Variants in REEP1 observed in about 807,000 individuals in gnomAD.
The protein encoded by REEP1 is receptor accessory protein 1.
Under a neutral mutation model 40.3 loss-of-function variants are expected in REEP1, and 22 were observed. That is an observed-to-expected ratio of 0.55 (90% confidence interval 0.39 to 0.78). The LOEUF is 0.78. REEP1 is among the 30% of genes least tolerant of loss of function. The probability of loss-of-function intolerance (pLI) is 0.00; values close to 1 mark genes in which losing one functional copy is unlikely to be tolerated. For synonymous variants in REEP1, 116 were observed against 139.2 expected (o/e 0.83, Z 1.17); for missense variants, 280 against 361.1 (o/e 0.78, Z 1.82).
chr2:86,224,706 G>A (rs566794818), intron 7 of REEP1, among the ~76,000 whole-genome samples: 9 of 152,276 alleles, frequency 5.9e-5, no homozygotes, highest in African/African-American at 1.9e-4. Context: ...CAACCTGCTC[G>A]GGGATAAGGA....
upstream of REEP1, chr2:86,337,888 G>A: frequency 1.1e-6 from 1 of 937,458 alleles, no homozygotes; most frequent in Non-Finnish European, 1.6e-6. The surrounding 1 kb of genome is among the most constrained non-coding windows in gnomAD (Gnocchi z 5.8). Flanking sequence ...CAGGGACCCG[G>A]GTGCTGCCCC....
At position 86,325,434 on chromosome 2, in the gene REEP1, G is replaced by A. The variant is rs114573245; in HGVS notation, c.32+12045C>T. Among the ~76,000 whole-genome samples the A allele has an allele frequency of 3.9e-3, 592 of 152,268 alleles. 1 individual carries two copies. The highest frequency in any genetic ancestry group is 0.013 in the African/African-American group (520 of 41,542). On this transcript the variant is annotated intron_variant, in intron 1 of 8. Transcript: ENST00000538924. ...ATCCAGGTCCTAATTCCTAAAACCC[G>A]TGAATGTTACCTTATAAGGTAAAAG... is the stretch of plus-strand genomic sequence containing the variant.
chr2:86,273,619 CCA>C (rs1368893913), intron 2 of REEP1, among the ~76,000 whole-genome samples: 1 of 152,096 alleles, frequency 6.6e-6, no homozygotes, highest in Admixed American at 6.6e-5. Context: ...AAAAGCTCAT[CCA>C]CACCCCTACC....
At chr2:86,243,472 C>T (rs1299309350) in intron 5 of REEP1, among the ~76,000 whole-genome samples, 4 of 152,240 alleles carry the variant, frequency 2.6e-5, no homozygotes, top group Non-Finnish European at 5.9e-5. Context: ...CCGCCAACTC[C>T]GTGTGAATTC....
chr2:86,292,552 T>TCC (rs1350605684), intron 1 of REEP1, among the ~76,000 whole-genome samples: 1 of 152,148 alleles, frequency 6.6e-6, no homozygotes, highest in Non-Finnish European at 1.5e-5. Context: ...GTTGCCTATT[T>TCC]CCCAGCTTAT....
chr2:86,219,851 C>T (rs570322063), intron 8 of REEP1, 119 bp downstream of exon 8: 2 of 704,606 alleles, frequency 2.8e-6, no homozygotes, highest in South Asian at 7.7e-5. Context: ...GAGATCTTTC[C>T]ACCCCAGGTA....
intron 2 of REEP1, 143 bp downstream of exon 2, chr2:86,282,027 G>C: frequency 1.4e-6 from 1 of 720,772 alleles, no homozygotes; most frequent in Non-Finnish European, 2.6e-6. Flanking sequence ...GAGGACTCCT[G>C]AGATGTCTCA....
chr2:86,307,988 A>AT (rs1279708969), intron 1 of REEP1, among the ~76,000 whole-genome samples: 2 of 152,234 alleles, frequency 1.3e-5, no homozygotes, highest in African/African-American at 4.8e-5. Context: ...TAATTGGCTC[A>AT]TTTAAAAAAC....
intron 7 of REEP1, among the ~76,000 whole-genome samples, chr2:86,223,019 A>C (rs1410260400): frequency 1.3e-5 from 2 of 152,142 alleles, no homozygotes; most frequent in Non-Finnish European, 2.9e-5. Flanking sequence ...CCCAGAGACA[A>C]TGTGTGTGGG....
At chr2:86,219,786 C>T (rs1019990554) in intron 8 of REEP1, among the ~76,000 whole-genome samples, 184 bp downstream of exon 8, 2 of 152,144 alleles carry the variant, frequency 1.3e-5, no homozygotes, top group Non-Finnish European at 2.9e-5. Flanking sequence ...GATTTCCTCT[C>T]CTTGGCAAGT....
intron 6 of REEP1, among the ~76,000 whole-genome samples, chr2:86,228,749 C>T (rs1326648213): frequency 3.3e-5 from 5 of 152,184 alleles, no homozygotes; most frequent in Non-Finnish European, 7.3e-5. Flanking sequence ...TGAGTCACCG[C>T]GCCTGGCAAC....
intron 5 of REEP1, among the ~76,000 whole-genome samples, chr2:86,237,271 G>A (rs907608943): frequency 2.6e-5 from 4 of 152,122 alleles, no homozygotes; most frequent in African/African-American, 9.7e-5. Context: ...ACACTTTCTG[G>A]TATGATCAAG....
At chr2:86,281,987 G>A (rs1678120324) in intron 2 of REEP1, among the ~76,000 whole-genome samples, 183 bp downstream of exon 2, 1 of 152,130 alleles carries the variant, frequency 6.6e-6, no homozygotes, top group Non-Finnish European at 1.5e-5. Flanking sequence ...AACGCTCTAG[G>A]TCTAGGCAGG....
At chr2:86,285,756 G>C (rs987026741) in intron 1 of REEP1, among the ~76,000 whole-genome samples, 1 of 152,182 alleles carries the variant, frequency 6.6e-6, no homozygotes, top group African/African-American at 2.4e-5. Flanking sequence ...CTTTAAGTGG[G>C]TGCTTGAAAT....
At chr2:86,309,494 C>T (rs963185699) in intron 1 of REEP1, among the ~76,000 whole-genome samples, 1 of 152,250 alleles carries the variant, frequency 6.6e-6, no homozygotes, top group Non-Finnish European at 1.5e-5. Context: ...CTTTACAGCT[C>T]CTGCCTCTTG....
At chr2:86,325,961 ATGCTACAG>A (rs1680480604) in intron 1 of REEP1, among the ~76,000 whole-genome samples, 1 of 152,162 alleles carries the variant, frequency 6.6e-6, no homozygotes, top group Non-Finnish European at 1.5e-5. Flanking sequence ...CCAACATTGG[ATGCTACAG>A]TGTCCCCCCG....
At chr2:86,288,032 A>ATTTTTTTTTTTTTTTTTTTTTTTTTTT (rs1558916457) in intron 1 of REEP1, among the ~76,000 whole-genome samples, 16 of 149,738 alleles carry the variant, frequency 1.1e-4, no homozygotes, top group African/African-American at 4.1e-4. Context: ...TATTTTTATT[A>ATTTTTTTTTTTTTTTTTTTTTTTTTTT]TTTTTTTGAG....
At chr2:86,253,909 A>G (rs918436053) in intron 4 of REEP1, among the ~76,000 whole-genome samples, 1 of 152,252 alleles carries the variant, frequency 6.6e-6, no homozygotes, top group African/African-American at 2.4e-5. Context: ...CGAATGATAC[A>G]ATGTTGGAAT....
intron 1 of REEP1, among the ~76,000 whole-genome samples, chr2:86,331,838 A>G (rs1680780402): frequency 6.6e-6 from 1 of 152,118 alleles, no homozygotes; most frequent in African/African-American, 2.4e-5. Flanking sequence ...CATGTGCCCC[A>G]TTGCCATCTT....
Sources: gnomAD v4.1 joint callset for allele counts (sites outside exome capture counted in the v4.1 genomes callset) on GRCh38, gnomAD v4.1.1 for gene constraint, Gnocchi (gnomAD v3.1) non-coding constraint, MANE v1.5 for transcripts, NCBI Gene and HGNC (gene_info 2026-07-23, HGNC 2026-07-21) for gene names.